Variants in DGKD observed in about 807,000 individuals in gnomAD.
DGKD encodes diacylglycerol kinase delta.
DGKD carries 68 observed loss-of-function variants against 154.4 expected under a neutral mutation model. That is an observed-to-expected ratio of 0.44 (90% CI 0.36 to 0.54). DGKD has a LOEUF of 0.54. Ranked by LOEUF, DGKD falls within the 20% of genes least tolerant of loss-of-function variation. DGKD has a pLI of 0.00. For synonymous variants in DGKD, 693 were observed against 638.0 expected (o/e 1.09, Z -1.30); for missense variants, 1,343 against 1,593.6 (o/e 0.84, Z 2.68).
At chr2:233,379,714 C>G (rs1404993531) in intron 1 of DGKD, 1 of 152,196 alleles carries the variant, frequency 6.6e-6, no homozygotes, top group African/African-American at 2.4e-5. Flanking sequence ...TAGGAACCAC[C>G]TGGGCTCTTG....
Position 233,458,513 on chromosome 2 carries a change from T to A in DGKD, c.2694+116T>A, listed in dbSNP as rs2124920962. The A allele has an allele frequency of 1.4e-6, 1 of 713,212 alleles. No homozygotes were observed. The highest frequency in any genetic ancestry group is 2.7e-5 in the East Asian group (1 of 36,666). 44.2% of individuals were successfully genotyped at this position (713,212 alleles called of 1,614,324 possible). On this transcript the variant is annotated intron_variant, in intron 22 of 29. Coordinates refer to ENST00000264057, the MANE Select transcript of DGKD (RefSeq NM_152879.3). The surrounding 1 kb of genome is among the most constrained non-coding windows in gnomAD (Gnocchi z 6.6). Reference sequence around the variant, plus strand: ...CGCTTTCCAGGGCCATGTGGCTGCCTCATGTCCTGTCCTGGACAGCTCGTG... The same window carrying A: ...CGCTTTCCAGGGCCATGTGGCTGCCACATGTCCTGTCCTGGACAGCTCGTG...
In DGKD at chr2:233,370,391, T is replaced by G. The variant is rs1157175959; in HGVS notation, c.156+15717T>G. ...ACCATGCCTGGCTAATTTTTGTATT[T>G]TTAGTACAGAGGGGGTTTCACCATG... On this transcript the variant is annotated intron_variant, in intron 1 of 29. Transcript: ENST00000264057. Among the ~76,000 whole-genome samples, 3 of 151,864 alleles carry G rather than the reference T, an allele frequency of 2.0e-5. No individual in the cohort carries two copies. In the East Asian group the frequency reaches 5.8e-4, roughly 29 times the overall value.
intron 28 of DGKD, 107 bp from the exon 29 acceptor site, chr2:233,468,316 C>T (rs548820229): frequency 3.7e-5 from 52 of 1,395,428 alleles, no homozygotes; most frequent in Middle Eastern, 1.9e-4. Context: ...GCTGTTGGGA[C>T]GTCTCCTGTC....
chr2:233,429,418 C>T (rs1330506614), intron 3 of DGKD: 17 of 778,300 alleles, frequency 2.2e-5, no homozygotes, highest in South Asian at 1.8e-4. Flanking sequence ...TAGACAGGGA[C>T]GGTGCCGATG....
At chr2:233,443,400 T>A (rs1442785527) in intron 10 of DGKD, among the ~76,000 whole-genome samples, 1 of 152,220 alleles carries the variant, frequency 6.6e-6, no homozygotes, top group East Asian at 1.9e-4. Flanking sequence ...CATTAACTTC[T>A]TATCTGTCAC....
chr2:233,451,993 C>T lies in DGKD; in HGVS notation c.2197C>T (p.Pro733Ser). 2 of 1,614,030 alleles carry T rather than the reference C, an allele frequency of 1.2e-6. No individual in the cohort carries two copies. The highest frequency in any genetic ancestry group is 1.7e-6 in the Non-Finnish European group (2 of 1,179,936). ...CCGGGCTGGAATGTCTGGTTCCTTA[C>T]CCGGTGGCTCAGTCATCAGTCGCCT... is the stretch of plus-strand genomic sequence containing the variant. The part of the protein sequence containing the change: ...NVRAGMSGSL[P>S]GGSVISRLLI... The change falls in exon 18 of 30, where the codon CCC becomes TCC. Residue 733 changes from proline (P) to serine (S), a missense_variant. By Grantham distance (74) the Pro-to-Ser change is moderately conservative. Around this residue, in one of 6 missense-constraint regions of DGKD, gnomAD observed 409 missense variants for 446.0 expected, o/e 0.92. Transcript: ENST00000264057.
At chr2:233,399,898 A>G (rs2061515891) in intron 3 of DGKD, among the ~76,000 whole-genome samples, 2 of 152,164 alleles carry the variant, frequency 1.3e-5, no homozygotes, top group Non-Finnish European at 2.9e-5. Flanking sequence ...GGCAGGGTCC[A>G]TGCTTCTGCT....
intron 16 of DGKD, 63 bp from the exon 17 acceptor site, chr2:233,450,858 AC>A (rs1559166361): frequency 1.9e-6 from 3 of 1,547,686 alleles, no homozygotes; most frequent in South Asian, 1.2e-5. Flanking sequence ...GTCGCTAAGG[AC>A]CCCCCAGGAT....
Position 233,459,044 on chromosome 2 carries a change from G to A in DGKD, c.2694+647G>A, listed in dbSNP as rs1409764158. 1.3e-5 allele frequency among the ~76,000 whole-genome samples: 2 copies of A among 152,254 alleles called. No homozygotes were observed. The highest frequency in any genetic ancestry group is 1.5e-5 in the Non-Finnish European group (1 of 68,048). ...TGGGGACGGAGCCCATGGCTCTGAT[G>A]TGGGGTGTGGGAGGATTTCCAGCTG... is the stretch of plus-strand genomic sequence containing the variant. On this transcript the variant is annotated intron_variant, in intron 22 of 29. Coordinates refer to ENST00000264057, the MANE Select transcript of DGKD (RefSeq NM_152879.3). The surrounding 1 kb of genome is among the most constrained non-coding windows in gnomAD (Gnocchi z 5.7).
intron 12 of DGKD, chr2:233,447,863 C>A: frequency 7.3e-7 from 1 of 1,376,788 alleles, no homozygotes; most frequent in South Asian, 1.6e-5. Context: ...TGCAGTTTGC[C>A]TGCAGCTTGA....
At chr2:233,464,369 C>T (rs2063764080) in intron 27 of DGKD, 86 bp downstream of exon 27, 1 of 1,545,502 alleles carries the variant, frequency 6.5e-7, no homozygotes, top group African/African-American at 1.4e-5. Flanking sequence ...ACCCGTGTGG[C>T]TCTGGGATCA....
chr2:233,436,093 C>A (rs189857772), intron 6 of DGKD, among the ~76,000 whole-genome samples, 169 bp downstream of exon 6: 30 of 152,316 alleles, frequency 2.0e-4, no homozygotes, highest in Admixed American at 1.1e-3. Flanking sequence ...GTTGTCGCAC[C>A]CCCGAGCTCC....
intron 1 of DGKD, among the ~76,000 whole-genome samples, chr2:233,370,649 G>C (rs7566221): frequency 0.22 from 32,559 of 150,274 alleles, 4,107 homozygotes; most frequent in African/African-American, 0.35. Flanking sequence ...TCATTCATCG[G>C]TTGACAGATA....
At chr2:233,450,463 T>A (rs1003277583) in intron 16 of DGKD, among the ~76,000 whole-genome samples, 43 of 152,084 alleles carry the variant, frequency 2.8e-4, no homozygotes, top group African/African-American at 1.0e-3. Flanking sequence ...AGGGGCTGTG[T>A]CTGGCAGAGG....
At chr2:233,448,779 CAT>C (rs2063168976) in intron 14 of DGKD, among the ~76,000 whole-genome samples, 1 of 152,204 alleles carries the variant, frequency 6.6e-6, no homozygotes, top group Non-Finnish European at 1.5e-5. Context: ...CCTGTGCAAA[CAT>C]CTGATTGGTT....
At position 233,354,917 on chromosome 2, in the gene DGKD, C is replaced by A. The variant is rs944265250; in HGVS notation, c.156+243C>A. 2.1e-5 allele frequency among the ~76,000 whole-genome samples: 3 copies of A among 145,350 alleles called. No individual in the cohort carries two copies. Among genetic ancestry groups the A allele is most frequent in the Non-Finnish European group, 4.6e-5 (3 of 65,648 alleles). On this transcript the variant is annotated intron_variant, in intron 1 of 29. Coordinates refer to ENST00000264057, the MANE Select transcript of DGKD (RefSeq NM_152879.3). This position sits in a 1 kb window ranked among gnomAD's most constrained non-coding sequence, Gnocchi z 4.8. Reference sequence around the variant, plus strand: ...GCCGGGCGGGGGGCGCGCAGGTGGGCGCCCCGGGCGCCGCGCGCTGGGCGG... The same window carrying A: ...GCCGGGCGGGGGGCGCGCAGGTGGGAGCCCCGGGCGCCGCGCGCTGGGCGG...
intron 10 of DGKD, chr2:233,442,374 G>A: frequency 3.0e-6 from 1 of 336,144 alleles, no homozygotes; most frequent in South Asian, 2.9e-5. Flanking sequence ...TCAAGTCAGA[G>A]TCATGGTTCA....
At chr2:233,434,536 C>T (rs1398911404) in intron 4 of DGKD, 52 bp downstream of exon 4, 1 of 1,545,304 alleles carries the variant, frequency 6.5e-7, no homozygotes, top group Non-Finnish European at 8.9e-7. Flanking sequence ...CTCCCTCACC[C>T]CAGTGTCTGC....
At chr2:233,467,261 G>C (rs1196938277) in intron 28 of DGKD, 58 bp downstream of exon 28, 1 of 1,224,052 alleles carries the variant, frequency 8.2e-7, no homozygotes, top group African/African-American at 1.5e-5. Context: ...GATCGGCCCC[G>C]TTCCCCTGGT....
Sources: gnomAD v4.1 joint callset for allele counts (sites outside exome capture counted in the v4.1 genomes callset) on GRCh38, gnomAD v4.1.1 for gene constraint, gnomAD v4.1.1 regional missense constraint, Gnocchi (gnomAD v3.1) non-coding constraint, MANE v1.5 for transcripts, NCBI Gene and HGNC (gene_info 2026-07-23, HGNC 2026-07-21) for gene names.